Variants in FLRT2 observed in about 807,000 individuals in gnomAD.
FLRT2 encodes the protein leucine-rich repeat transmembrane protein FLRT2.
In FLRT2, 15 loss-of-function variants were observed where a neutral mutation model predicts 40.0. The observed-to-expected ratio is 0.38, with a 90% CI of 0.25 to 0.58. The LOEUF (loss-of-function observed/expected upper bound fraction) is 0.58. FLRT2 is among the 20% of genes least tolerant of loss of function. FLRT2 has a pLI of 0.71. For synonymous variants in FLRT2, 380 were observed against 336.8 expected (o/e 1.13, Z -1.41); for missense variants, 726 against 840.0 (o/e 0.86, Z 1.68).
chr14:85,621,943 C>A lies in FLRT2; in HGVS notation c.429C>A (p.Asn143Lys). The A allele has an allele frequency of 6.2e-7, 1 of 1,601,212 alleles. No individual in the cohort carries two copies. The highest frequency in any genetic ancestry group is 8.5e-7 in the Non-Finnish European group (1 of 1,173,466). The change falls in exon 2 of 2, where the codon AAC becomes AAA. Residue 143 changes from asparagine (N) to lysine (K), a missense_variant. Transcript: ENST00000330753. The stretch of plus-strand genomic sequence containing the variant: ...TTGAAGAGCTGCACCTGGATGACAA[C>A]TCCATATCCACAGTGGGGGTGGAAG... ...LKLEELHLDDNSISTVGVEDG... is the reference protein window; with the variant it reads ...LKLEELHLDDKSISTVGVEDG...
chr14:85,601,522 T>C (rs961395930), intron 1 of FLRT2, among the ~76,000 whole-genome samples: 5 of 152,162 alleles, frequency 3.3e-5, no homozygotes, highest in African/African-American at 1.2e-4. Flanking sequence ...ATTAATGGCT[T>C]AGGGAGCAAA....
intron 1 of FLRT2, chr14:85,551,821 C>T (rs1026108613): frequency 6.6e-6 from 1 of 152,124 alleles, no homozygotes; most frequent in African/African-American, 2.4e-5. Context: ...GTTTGTAACT[C>T]ACATATTTTT....
At chr14:85,572,056 G>A (rs1315307061) in intron 1 of FLRT2, among the ~76,000 whole-genome samples, 2 of 152,162 alleles carry the variant, frequency 1.3e-5, no homozygotes, top group Non-Finnish European at 2.9e-5. Context: ...AGCCTAGACA[G>A]CTATGGCCTC....
chr14:85,580,011 C>T (rs1394782792), intron 1 of FLRT2, among the ~76,000 whole-genome samples: 1 of 144,520 alleles, frequency 6.9e-6, no homozygotes, highest in Non-Finnish European at 1.5e-5. Flanking sequence ...CTTGAACATT[C>T]TCCAGTCTGG....
Position 85,541,001 on chromosome 14 carries a change from G to A in FLRT2, c.-377+10467G>A, listed in dbSNP as rs189000026. Among the ~76,000 whole-genome samples, 92 of 152,244 alleles carry A rather than the reference G, an allele frequency of 6.0e-4. 1 individual carries two copies. The highest frequency in any genetic ancestry group is 6.8e-3 in the Middle Eastern group (2 of 292). On this transcript the variant is annotated intron_variant, in intron 1 of 1. Coordinates refer to ENST00000330753, the MANE Select transcript of FLRT2 (RefSeq NM_013231.6). ...ATGCACCAACAAATATAAGTCTTAT[G>A]TACTATGGGGAGGAAGTATGGTTAT...
At chr14:85,560,233 GAA>G (rs1158468222) in intron 1 of FLRT2, among the ~76,000 whole-genome samples, 1 of 152,032 alleles carries the variant, frequency 6.6e-6, no homozygotes, top group African/African-American at 2.4e-5. Context: ...ACAGTTAATT[GAA>G]ACTAAGTCTA....
At position 85,637,081 on chromosome 14, in the gene FLRT2, C is replaced by T. The variant is rs1258541602; in HGVS notation, c.*13584C>T. 2 of 151,708 alleles carry T rather than the reference C, an allele frequency of 1.3e-5. No homozygotes were observed. Among genetic ancestry groups the T allele is most frequent in the South Asian group, 4.1e-4 (2 of 4,824 alleles). The allele number at this position is 151,708 out of a possible 1,614,324, so 9.4% of individuals were successfully genotyped here. On this transcript the variant is annotated 3_prime_UTR_variant, in exon 2 of 2. Transcript: ENST00000330753. ...TACATTTTTAGGGAAAAACTAGCAA[C>T]ATGTTTTGTGGAGATAAATGTAAAC...
intron 1 of FLRT2, among the ~76,000 whole-genome samples, chr14:85,612,485 G>A (rs915039462): frequency 1.3e-5 from 2 of 152,116 alleles, no homozygotes; most frequent in Non-Finnish European, 2.9e-5. Flanking sequence ...GCTTATCTGG[G>A]TTTTATTTAA....
intron 1 of FLRT2, among the ~76,000 whole-genome samples, chr14:85,614,565 G>A (rs989944207): frequency 1.3e-5 from 2 of 152,176 alleles, no homozygotes. Context: ...ATTCCTGATA[G>A]GGAGCGGCTG....
chr14:85,625,821 TTC>T lies in FLRT2; in HGVS notation c.*2326_*2327del, dbSNP rs1235854388. ...TACTTTGACTTTTGAGGGTTTTTAT[TTC>T]TGTTATTCACAAAATACTCATTCTC... On this transcript the variant is annotated 3_prime_UTR_variant, in exon 2 of 2. Coordinates refer to ENST00000330753, the MANE Select transcript of FLRT2 (RefSeq NM_013231.6). 1 of 167,084 alleles carries T rather than the reference TTC, an allele frequency of 6.0e-6. No individual in the cohort carries two copies. The highest frequency in any genetic ancestry group is 1.5e-5 in the Non-Finnish European group (1 of 68,132). The allele number at this position is 167,084 out of a possible 1,614,324, so 10.4% of individuals were successfully genotyped here.
chr14:85,533,857 G>A lies in FLRT2; in HGVS notation c.-377+3323G>A, dbSNP rs538045828. ...CCGCGCCCCGACGCTGCGGGCGACA[G>A]GGCTTGGCTCCAGCAGCCGCCGCCG... On this transcript the variant is annotated intron_variant, in intron 1 of 1. Coordinates refer to ENST00000330753, the MANE Select transcript of FLRT2 (RefSeq NM_013231.6). Among the ~76,000 whole-genome samples the A allele has an allele frequency of 1.6e-3, 245 of 151,870 alleles. 1 individual carries two copies. The highest frequency in any genetic ancestry group is 5.7e-3 in the African/African-American group (235 of 41,504).
intron 1 of FLRT2, among the ~76,000 whole-genome samples, chr14:85,589,226 C>T (rs1465358565): frequency 6.6e-6 from 1 of 152,200 alleles, no homozygotes; most frequent in Non-Finnish European, 1.5e-5. Flanking sequence ...TGCATTCCCA[C>T]CAGCAGGGTA....
intron 1 of FLRT2, among the ~76,000 whole-genome samples, chr14:85,603,252 C>T (rs1892458704): frequency 6.6e-6 from 1 of 152,068 alleles, no homozygotes; most frequent in South Asian, 2.1e-4. Context: ...AGAACAACGC[C>T]TGTAGAGCTA....
At chr14:85,554,218 A>G (rs757496151) in intron 1 of FLRT2, among the ~76,000 whole-genome samples, 16 of 152,246 alleles carry the variant, frequency 1.1e-4, no homozygotes, top group Admixed American at 2.6e-4. Flanking sequence ...CTGAAGCCTC[A>G]TATACCAGAA....
In FLRT2 at chr14:85,556,951, T is replaced by C. The variant is rs145329126; in HGVS notation, c.-377+26417T>C. Among the ~76,000 whole-genome samples, 441 of 152,224 alleles carry C rather than the reference T, an allele frequency of 2.9e-3. 5 individuals carry two copies. Among genetic ancestry groups the C allele is most frequent in the African/African-American group, 9.4e-3 (389 of 41,546 alleles). On this transcript the variant is annotated intron_variant, in intron 1 of 1. Coordinates refer to ENST00000330753, the MANE Select transcript of FLRT2 (RefSeq NM_013231.6). ...ATGGCGGGAGGCAAAAGGCACTTCT[T>C]ACATGGCAGCGGCAAGAGAAAATGA...
rs913661887 is a variant in FLRT2, at chr14:85,647,371, C to A, written c.*23874C>A. 1 of 152,006 alleles carries A rather than the reference C, an allele frequency of 6.6e-6. No individual in the cohort carries two copies. Among genetic ancestry groups the A allele is most frequent in the African/African-American group, 2.4e-5 (1 of 41,366 alleles). 9.4% of individuals were successfully genotyped at this position (152,006 alleles called of 1,614,324 possible). On this transcript the variant is annotated 3_prime_UTR_variant, in exon 2 of 2. Transcript: ENST00000330753. Reference sequence around the variant, plus strand: ...GCAATATAATATATGTAAATCATACCAAATTATATGTGTTTAAAACTCAAG... The same window carrying A: ...GCAATATAATATATGTAAATCATACAAAATTATATGTGTTTAAAACTCAAG...
At position 85,623,162 on chromosome 14, in the gene FLRT2, G is replaced by A. The variant is rs199824822; in HGVS notation, c.1648G>A (p.Ala550Thr). 2.5e-4 allele frequency: 396 copies of A among 1,581,768 alleles called. No individual in the cohort carries two copies. Among genetic ancestry groups the A allele is most frequent in the Middle Eastern group, 5.1e-4 (3 of 5,874 alleles). Reference sequence around the variant, plus strand: ...TCTGCTGGCGGGCTTGATCGGGGGCGCGGTGATATTTGTGCTGGTGGTCTT... The same window carrying A: ...TCTGCTGGCGGGCTTGATCGGGGGCACGGTGATATTTGTGCTGGTGGTCTT... ...PFLLAGLIGG[A>T]VIFVLVVLLS... Residue 550 changes from alanine (A) to threonine (T), a missense_variant, in exon 2 of 2, where the codon GCG becomes ACG. This residue lies in a region of FLRT2 where 611 missense variants were observed against 690.0 expected (regional missense o/e 0.89). Transcript: ENST00000330753.
chr14:85,613,334 T>C (rs1892981885), intron 1 of FLRT2, among the ~76,000 whole-genome samples: 1 of 152,138 alleles, frequency 6.6e-6, no homozygotes, highest in East Asian at 1.9e-4. Flanking sequence ...AATAAGAGCA[T>C]GGAATTTGAT....
rs1436135576 is a variant in FLRT2, at chr14:85,630,564, AT to A, written c.*7071del. On this transcript the variant is annotated 3_prime_UTR_variant, in exon 2 of 2. Transcript: ENST00000330753. Reference sequence around the variant, plus strand: ...TAAGAATGTTTTCCAGGAGAGTTAAATTTTGCTCATCAAAAATCTTTCTTGG... The same window carrying A: ...TAAGAATGTTTTCCAGGAGAGTTAAATTTGCTCATCAAAAATCTTTCTTGG... 2 of 152,102 alleles carry A rather than the reference AT, an allele frequency of 1.3e-5. No individual in the cohort carries two copies. Among genetic ancestry groups the A allele is most frequent in the African/African-American group, 2.4e-5 (1 of 41,410 alleles). 9.4% of individuals were successfully genotyped at this position (152,102 alleles called of 1,614,324 possible).
Sources: gnomAD v4.1 joint callset for allele counts (sites outside exome capture counted in the v4.1 genomes callset) on GRCh38, gnomAD v4.1.1 for gene constraint, gnomAD v4.1.1 regional missense constraint, MANE v1.5 for transcripts, NCBI Gene and HGNC (gene_info 2026-07-23, HGNC 2026-07-21) for gene names.